The following SNX3 variants were observed in gnomAD, a reference collection of about 807,000 sequenced individuals.
SNX3 encodes the protein sorting nexin 3, also known as sorting nexin-3.
Under a neutral mutation model 17.7 loss-of-function variants are expected in SNX3, and 5 were observed. The ratio of observed to expected loss-of-function variants is 0.28; its 90% CI spans 0.15 to 0.59. The LOEUF is 0.59. Among genes scored for constraint, SNX3 ranks in the 20% least tolerant of loss-of-function variants. The probability of loss-of-function intolerance (pLI) is 0.88; values close to 1 mark genes in which losing one functional copy is unlikely to be tolerated. For missense variants in SNX3, 132 were observed against 206.8 expected (o/e 0.64, Z 2.22); for synonymous variants, 91 against 76.5 (o/e 1.19, Z -0.99).
At chr6:108,236,545 G>A (rs1445305479) in intron 1 of SNX3, among the ~76,000 whole-genome samples, 5 of 151,192 alleles carry the variant, frequency 3.3e-5, no homozygotes, top group East Asian at 1.9e-4. Flanking sequence ...CACTACGCCC[G>A]GCTAATTTTT....
chr6:108,260,851 G>C lies in SNX3; in HGVS notation c.71C>G (p.Pro24Arg). 1 of 1,613,330 alleles carries C rather than the reference G, an allele frequency of 6.2e-7. No individual in the cohort carries two copies. The highest frequency in any genetic ancestry group is 8.5e-7 in the Non-Finnish European group (1 of 1,179,574). ...ATCGATCTCGAGGAAGTTGCTGGGG[G>C]GTCCGTAGGCGTCATTCAGGTTCTG... ...KPQNLNDAYG[P>R]PSNFLEIDVS... is the part of the protein sequence containing the mutation. Residue 24 changes from proline (P) to arginine (R), a missense_variant, in exon 1 of 4, where the codon CCC becomes CGC. Coordinates refer to ENST00000230085, the MANE Select transcript of SNX3 (RefSeq NM_003795.6).
intron 1 of SNX3, chr6:108,252,162 A>C (rs1775883772): frequency 6.6e-6 from 1 of 152,122 alleles, no homozygotes; most frequent in South Asian, 2.1e-4. Context: ...CAAAACAGTA[A>C]ACTGCAGTTC....
chr6:108,234,465 C>T (rs973966922), intron 1 of SNX3, among the ~76,000 whole-genome samples: 3 of 152,002 alleles, frequency 2.0e-5, no homozygotes, highest in Admixed American at 6.6e-5. Flanking sequence ...GCAGGAGAAT[C>T]GCTTGAACCC....
At chr6:108,221,946 G>A (rs1230517216) in intron 2 of SNX3, among the ~76,000 whole-genome samples, 1 of 151,678 alleles carries the variant, frequency 6.6e-6, no homozygotes, top group African/African-American at 2.4e-5. Flanking sequence ...TGGAAGAGAT[G>A]GGGCCTCACT....
chr6:108,252,740 C>T (rs1050094985), intron 1 of SNX3, among the ~76,000 whole-genome samples: 4 of 152,000 alleles, frequency 2.6e-5, no homozygotes, highest in East Asian at 1.9e-4. Context: ...CCAAGGTTCA[C>T]GCAATCTTTG....
intron 2 of SNX3, among the ~76,000 whole-genome samples, chr6:108,216,400 G>C (rs1334409360): frequency 6.6e-6 from 1 of 152,106 alleles, no homozygotes; most frequent in Non-Finnish European, 1.5e-5. Context: ...ACGTCTCCTG[G>C]GGGATAAAAC....
intron 1 of SNX3, among the ~76,000 whole-genome samples, chr6:108,229,732 G>T (rs1360001166): frequency 6.6e-6 from 1 of 152,164 alleles, no homozygotes; most frequent in Non-Finnish European, 1.5e-5. Context: ...AAAATAGTGT[G>T]AGCTAAATGC....
intron 2 of SNX3, among the ~76,000 whole-genome samples, chr6:108,215,889 G>A (rs1291030769): frequency 2.0e-5 from 3 of 151,798 alleles, no homozygotes; most frequent in African/African-American, 7.3e-5. Context: ...CTAAAATGTC[G>A]CTGCACTCCA....
At position 108,261,024 on chromosome 6, in the gene SNX3, G is replaced by A. The variant is rs962298684; in HGVS notation, c.-103C>T. 1.8e-5 allele frequency: 21 copies of A among 1,150,038 alleles called. No homozygotes were observed. In the African/African-American group the frequency reaches 2.1e-4, roughly 12 times the overall value. The allele number at this position is 1,150,038 out of a possible 1,614,324, so 71.2% of individuals were successfully genotyped here. ...CGCCGTGGGGACACGGGGCTCGCGC[G>A]CAGCGGTCGCGAAGAGAACGAGCAC... On this transcript the variant is annotated 5_prime_UTR_variant, in exon 1 of 4. Transcript: ENST00000230085.
chr6:108,257,535 T>C (rs1356790990), intron 1 of SNX3, among the ~76,000 whole-genome samples: 1 of 152,000 alleles, frequency 6.6e-6, no homozygotes, highest in East Asian at 1.9e-4. Flanking sequence ...AATTACAAAA[T>C]ATTAAACTAT....
chr6:108,256,259 C>G (rs192889792), intron 1 of SNX3, among the ~76,000 whole-genome samples: 325 of 152,254 alleles, frequency 2.1e-3, no homozygotes, highest in African/African-American at 7.2e-3. Context: ...ACAAAGGTTA[C>G]TTGGTTAAGT....
Position 108,223,483 on chromosome 6 carries a change from A to G in SNX3, c.163-438T>C, listed in dbSNP as rs569133741. 1.9e-4 allele frequency among the ~76,000 whole-genome samples: 28 copies of G among 148,070 alleles called. No homozygotes were observed. In the South Asian group the frequency reaches 5.9e-3, roughly 31 times the overall value. On this transcript the variant is annotated intron_variant, in intron 1 of 3. Transcript: ENST00000230085. Reference sequence around the variant, plus strand: ...ATGACCTTTTACCCATAACAAAATAAAACTTTGCTAGTTCTTTTTTTTTTT... The same window carrying G: ...ATGACCTTTTACCCATAACAAAATAGAACTTTGCTAGTTCTTTTTTTTTTT...
At chr6:108,250,087 T>G (rs1775804115) in intron 1 of SNX3, among the ~76,000 whole-genome samples, 1 of 152,072 alleles carries the variant, frequency 6.6e-6, no homozygotes, top group Non-Finnish European at 1.5e-5. Context: ...ATTTTTGTAT[T>G]TCTAGTAGAG....
At position 108,230,597 on chromosome 6, in the gene SNX3, C is replaced by G. The variant is rs142382592; in HGVS notation, c.163-7552G>C. ...TATATACTAGTAAATGCTGAAGATTCTGAGTTTGAGTAACCCTGGACTACT... is the reference window on the plus strand; with the variant it reads ...TATATACTAGTAAATGCTGAAGATTGTGAGTTTGAGTAACCCTGGACTACT... On this transcript the variant is annotated intron_variant, in intron 1 of 3. Coordinates refer to ENST00000230085, the MANE Select transcript of SNX3 (RefSeq NM_003795.6). 1.6e-3 allele frequency among the ~76,000 whole-genome samples: 249 copies of G among 152,292 alleles called. 2 individuals are homozygous for G. The highest frequency in any genetic ancestry group is 2.6e-3 in the Non-Finnish European group (174 of 68,018).
At chr6:108,244,647 GTTT>G (rs1021781550) in intron 1 of SNX3, among the ~76,000 whole-genome samples, 3 of 87,226 alleles carry the variant, frequency 3.4e-5, no homozygotes, top group Admixed American at 1.5e-4. Flanking sequence ...TAAGTAAGGA[GTTT>G]TTTTTTTTTT....
intron 1 of SNX3, among the ~76,000 whole-genome samples, chr6:108,230,487 G>A (rs1175984453): frequency 6.6e-6 from 1 of 152,166 alleles, no homozygotes; most frequent in African/African-American, 2.4e-5. Flanking sequence ...ATCACAGACA[G>A]GTAAGATGGG....
At chr6:108,227,922 G>A (rs920560038) in intron 1 of SNX3, among the ~76,000 whole-genome samples, 5 of 151,870 alleles carry the variant, frequency 3.3e-5, no homozygotes, top group African/African-American at 1.2e-4. Flanking sequence ...ATGATTGAAG[G>A]GCGGAGAGGT....
chr6:108,231,219 G>T (rs984522717), intron 1 of SNX3, among the ~76,000 whole-genome samples: 2 of 151,958 alleles, frequency 1.3e-5, no homozygotes, highest in African/African-American at 4.8e-5. Flanking sequence ...CCGAGTAGCT[G>T]GGATTACAGG....
intron 1 of SNX3, among the ~76,000 whole-genome samples, chr6:108,244,012 T>C (rs1775608094): frequency 2.6e-5 from 4 of 152,162 alleles, no homozygotes; most frequent in Admixed American, 6.5e-5. Flanking sequence ...ACTGGCTATA[T>C]TAGTATCAGA....
Sources: gnomAD v4.1 joint callset for allele counts (sites outside exome capture counted in the v4.1 genomes callset) on GRCh38, gnomAD v4.1.1 for gene constraint, MANE v1.5 for transcripts, NCBI Gene and HGNC (gene_info 2026-07-23, HGNC 2026-07-21) for gene names.